The following SYNE2 variants were observed in gnomAD, a reference collection of about 807,000 sequenced individuals.
The protein encoded by SYNE2 is spectrin repeat containing nuclear envelope protein 2.
A neutral mutation model predicts 856.3 loss-of-function variants in SYNE2; 431 were observed. That is an observed-to-expected ratio of 0.50 (90% CI 0.47 to 0.55). SYNE2 has a LOEUF of 0.55. SYNE2 is among the 20% of genes least tolerant of loss of function. SYNE2 has a pLI of 0.00. For synonymous variants in SYNE2, 2,923 were observed against 2,872.3 expected (o/e 1.02, Z -0.56); for missense variants, 8,129 against 8,023.2 (o/e 1.01, Z -0.50).
In SYNE2 at chr14:64,091,090, G is replaced by C. The variant is rs776807450; in HGVS notation, c.11976+42G>C. ...GACATCCAACTTACTGGATGAAAAT[G>C]TTCACCAAAAGCTGGTTTGGTTTTC... On this transcript the variant is annotated intron_variant, in intron 60 of 115. Transcript: ENST00000555002. 1.2e-5 allele frequency: 19 copies of C among 1,591,894 alleles called. No homozygotes were observed. The South Asian group carries it at 2.0e-4, about 17-fold the overall frequency.
At chr14:63,842,114 G>A (rs2104795) in intron 1 of SYNE2, among the ~76,000 whole-genome samples, 71,491 of 150,264 alleles carry the variant, frequency 0.48, 17,946 homozygotes, top group South Asian at 0.59. Context: ...GATTACAGGC[G>A]TAAGCACCGC....
intron 1 of SYNE2, among the ~76,000 whole-genome samples, chr14:63,895,787 A>C (rs1595496580): frequency 6.6e-6 from 1 of 151,364 alleles, no homozygotes; most frequent in East Asian, 1.9e-4. Flanking sequence ...AAAAAAAAAA[A>C]AAAAAAAACC....
chr14:63,985,698 C>T (rs867313107), intron 18 of SYNE2, among the ~76,000 whole-genome samples: 3 of 152,106 alleles, frequency 2.0e-5, no homozygotes, highest in Non-Finnish European at 2.9e-5. Context: ...TAAAAATTTG[C>T]AAAGTGATAT....
chr14:63,913,882 A>G (rs890280331), intron 2 of SYNE2, among the ~76,000 whole-genome samples: 6 of 25,810 alleles, frequency 2.3e-4, no homozygotes, highest in Non-Finnish European at 5.0e-4. Flanking sequence ...TTAAAAAAAT[A>G]TATACGGGGG....
chr14:63,942,318 G>GT (rs2095930466), intron 6 of SYNE2, among the ~76,000 whole-genome samples, 175 bp downstream of exon 6: 1 of 151,998 alleles, frequency 6.6e-6, no homozygotes, highest in African/African-American at 2.4e-5. Context: ...TCTGTTATTG[G>GT]TTTTTTTCTC....
At chr14:64,092,414 G>A (rs187171381) in intron 60 of SYNE2, among the ~76,000 whole-genome samples, 77 of 152,284 alleles carry the variant, frequency 5.1e-4, no homozygotes, top group African/African-American at 1.8e-3. Context: ...TTTAGATATT[G>A]TAAGTACCCT....
intron 1 of SYNE2, among the ~76,000 whole-genome samples, chr14:63,778,654 A>G (rs888874378): frequency 2.0e-5 from 3 of 152,124 alleles, no homozygotes; most frequent in Non-Finnish European, 4.4e-5. Flanking sequence ...AGCTGGGACT[A>G]CAGGCATGCA....
At chr14:64,200,129 CT>C (rs752586905) in intron 99 of SYNE2, among the ~76,000 whole-genome samples, 5 of 152,248 alleles carry the variant, frequency 3.3e-5, no homozygotes, top group Middle Eastern at 6.8e-3. Flanking sequence ...GTGTTAATTG[CT>C]TTAAGTTAGA....
At chr14:63,916,745 G>C (rs2095537816) in intron 2 of SYNE2, among the ~76,000 whole-genome samples, 1 of 152,016 alleles carries the variant, frequency 6.6e-6, no homozygotes, top group Non-Finnish European at 1.5e-5. Context: ...TTATAACTGT[G>C]AGTGAATGAA....
At chr14:63,915,545 A>G (rs1040548963) in intron 2 of SYNE2, among the ~76,000 whole-genome samples, 2 of 152,288 alleles carry the variant, frequency 1.3e-5, no homozygotes, top group East Asian at 3.9e-4. Context: ...TGTGGATTCT[A>G]TTACCTTTGC....
intron 101 of SYNE2, 33 bp downstream of exon 101, chr14:64,208,978 G>A (rs745620123): frequency 5.8e-5 from 93 of 1,605,892 alleles, no homozygotes; most frequent in South Asian, 8.9e-5. Context: ...TGCCTTCAGC[G>A]TGGTCAGCCG....
chr14:63,975,011 C>T (rs1306795498), intron 11 of SYNE2, among the ~76,000 whole-genome samples: 3 of 149,346 alleles, frequency 2.0e-5, no homozygotes, highest in Non-Finnish European at 4.5e-5. Flanking sequence ...GGCTCTGTGA[C>T]GTCACTTAAC....
At position 64,165,439 on chromosome 14, in the gene SYNE2, G is replaced by T. The variant is rs1312423125; in HGVS notation, c.16605+29G>T. The stretch of plus-strand genomic sequence containing the variant: ...TTGCCAATATTTGTCTTTTCTAAGG[G>T]CTTAGACTCACCATAAGGTTAAAAA... On this transcript the variant is annotated intron_variant, in intron 90 of 115. Transcript: ENST00000555002. 4 of 1,610,494 alleles carry T rather than the reference G, an allele frequency of 2.5e-6. No homozygotes were observed. In the African/African-American group the frequency reaches 5.3e-5, roughly 22 times the overall value.
chr14:64,018,800 G>A (rs1162972679), intron 34 of SYNE2, among the ~76,000 whole-genome samples: 1 of 152,106 alleles, frequency 6.6e-6, no homozygotes, highest in Non-Finnish European at 1.5e-5. Context: ...GCCTTATAAA[G>A]ATCAGAAAAA....
chr14:64,199,272 G>T (rs1047820345), intron 99 of SYNE2, among the ~76,000 whole-genome samples: 1 of 152,188 alleles, frequency 6.6e-6, no homozygotes, highest in Non-Finnish European at 1.5e-5. Context: ...GGGATTATGT[G>T]AGAGGATGGG....
Position 63,967,726 on chromosome 14 carries a change from G to T in SYNE2, c.1008G>T (p.Met336Ile), listed in dbSNP as rs769505120. 1 of 1,614,060 alleles carries T rather than the reference G, an allele frequency of 6.2e-7. No homozygotes were observed. The highest frequency in any genetic ancestry group is 8.5e-7 in the Non-Finnish European group (1 of 1,179,930). ...AATTGCAGAGCCTGCTGTCCTTTAT[G>T]GAGTCATTCAATGAAGAAAAAAAGT... ...FKKYNSLLSF[M>I]ESFNEEKKSF... Residue 336 changes from methionine (M) to isoleucine (I), a missense_variant, in exon 11 of 116, where the codon ATG becomes ATT. By Grantham distance (10) the Met-to-Ile change is conservative. Around this residue, in one of 3 missense-constraint regions of SYNE2, gnomAD observed 2,422 missense variants for 2,357.4 expected, o/e 1.03. Coordinates refer to ENST00000555002, the MANE Select transcript of SYNE2 (RefSeq NM_182914.3).
chr14:64,207,829 C>G, intron 100 of SYNE2: 1 of 360,296 alleles, frequency 2.8e-6, no homozygotes, highest in Non-Finnish European at 5.4e-6. Flanking sequence ...TTTGCTTTCT[C>G]ACAATGTAAT....
In SYNE2 at chr14:64,107,550, C is replaced by G; in HGVS notation, c.12552C>G (p.Asp4184Glu). 1 of 1,614,198 alleles carries G rather than the reference C, an allele frequency of 6.2e-7. No individual in the cohort carries two copies. Among genetic ancestry groups the G allele is most frequent in the Non-Finnish European group, 8.5e-7 (1 of 1,180,044 alleles). ...DNSMAQILTP[D>E]SLNTEQGPEC... ...CCATGGCACAAATCCTCACACCAGACTCACTAAACACTGAGCAAGGCCCAG... is the reference window on the plus strand; with the variant it reads ...CCATGGCACAAATCCTCACACCAGAGTCACTAAACACTGAGCAAGGCCCAG... Residue 4184 changes from aspartate (D) to glutamate (E), a missense_variant, in exon 65 of 116, where the codon GAC (aspartate) becomes GAG (glutamate). Asp to Glu is a conservative substitution (Grantham distance 45). This residue lies in a region of SYNE2 where 5,410 missense variants were observed against 5,284.8 expected (regional missense o/e 1.02). Transcript: ENST00000555002.
At chr14:63,874,368 C>G (rs2094665476) in intron 1 of SYNE2, among the ~76,000 whole-genome samples, 1 of 152,150 alleles carries the variant, frequency 6.6e-6, no homozygotes, top group Non-Finnish European at 1.5e-5. Flanking sequence ...CCCTGCCTGC[C>G]CTCTGCTCCA....
Sources: gnomAD v4.1 joint callset for allele counts (sites outside exome capture counted in the v4.1 genomes callset) on GRCh38, gnomAD v4.1.1 for gene constraint, gnomAD v4.1.1 regional missense constraint, MANE v1.5 for transcripts, NCBI Gene and HGNC (gene_info 2026-07-23, HGNC 2026-07-21) for gene names.